The following PKD1 variants were observed in gnomAD, a reference collection of about 807,000 sequenced individuals.
PKD1 encodes the protein polycystin 1, transient receptor potential channel interacting, also known as polycystin-1.
PKD1 carries 81 observed loss-of-function variants against 361.7 expected under a neutral mutation model. The observed-to-expected ratio is 0.22, with a 90% CI of 0.19 to 0.27. PKD1 has a LOEUF of 0.27. Among genes scored for constraint, PKD1 ranks in the 10% least tolerant of loss-of-function variants. The probability of loss-of-function intolerance (pLI) is 1.00; values close to 1 mark genes in which losing one functional copy is unlikely to be tolerated. For synonymous variants in PKD1, 3,615 were observed against 2,818.3 expected, an observed-to-expected ratio of 1.28 and a Z score of -8.95; for missense variants, 6,399 against 6,118.3, an observed-to-expected ratio of 1.05 and a Z score of -1.53.
Position 2,110,213 on chromosome 16 carries a change from G to A in PKD1, c.4954C>T (p.Leu1652=), listed in dbSNP as rs895882636. The A allele has an allele frequency of 3.1e-6, 5 of 1,611,906 alleles. No homozygotes were observed. The highest frequency in any genetic ancestry group is 1.1e-5 in the South Asian group (1 of 91,034). ...GTGCCATCCCTAACCACGGCCTGCA[G>A]CTGTACCGTGTGGTTGGTGGGGAAG... ...RYFPTNHTVQ[L]QAVVRDGTNV... The change falls in exon 15 of 46, where the codon CTG becomes TTG. Residue 1652 remains leucine, a synonymous_variant. Coordinates refer to ENST00000262304, the MANE Select transcript of PKD1 (RefSeq NM_001009944.3).
intron 24 of PKD1, 44 bp from the exon 25 acceptor site, chr16:2,102,677 G>A (rs1195882797): frequency 2.5e-6 from 4 of 1,610,430 alleles, no homozygotes; most frequent in East Asian, 2.2e-5. Flanking sequence ...GGCTCCGCCA[G>A]GTTGGATGTC....
At chr16:2,119,416 C>G (rs3874659) in intron 1 of PKD1, 38 bp from the exon 2 acceptor site, 7 of 1,417,046 alleles carry the variant, frequency 4.9e-6, no homozygotes, top group Non-Finnish European at 6.7e-6. Context: ...GCCAGAGCCC[C>G]TAGTAGGCCA....
rs760338872 is a variant in PKD1 at position 2,090,570 on chromosome 16, G to C, written c.12159C>G (p.Asp4053Glu). The C allele has an allele frequency of 6.2e-7, 1 of 1,609,070 alleles. No homozygotes were observed. The highest frequency in any genetic ancestry group is 8.5e-7 in the Non-Finnish European group (1 of 1,179,674). ...GGGCCTGGGCCACGCTCCAGAGGGA[G>C]TCCACACAGGAAGACACGAGCTGCG... ...LAILLVSSCV[D>E]SLWSVAQALL... is the part of the protein sequence containing the mutation. The change falls in exon 45 of 46, where the codon GAC becomes GAG. Residue 4053 changes from aspartate to glutamate, a missense_variant. Physicochemically the swap from Asp to Glu is conservative, Grantham distance 45. Coordinates refer to ENST00000262304, the MANE Select transcript of PKD1 (RefSeq NM_001009944.3).
At chr16:2,126,091 G>A (rs529448513) in intron 1 of PKD1, among the ~76,000 whole-genome samples, 8 of 152,260 alleles carry the variant, frequency 5.3e-5, no homozygotes, top group South Asian at 2.1e-4. Context: ...CAGATCCAGC[G>A]GGGCAGCCGG....
Position 2,089,090 on chromosome 16 carries a change from G to GCAGA in PKD1, c.*633_*636dup, listed in dbSNP as rs577209727. ...GCCTCTGGGGTGATGAGAGTGCCTGGCAGACAGCTGTGCCCCCAGCACCGG... is the reference window on the plus strand; with the variant it reads ...GCCTCTGGGGTGATGAGAGTGCCTGGCAGACAGACAGCTGTGCCCCCAGCACCGG... On this transcript the variant is annotated 3_prime_UTR_variant, in exon 46 of 46. Transcript: ENST00000262304. The GCAGA allele has an allele frequency of 1.1e-4, 19 of 176,556 alleles. No homozygotes were observed. In the East Asian group the frequency reaches 2.8e-3, roughly 26 times the overall value. 10.9% of individuals were successfully genotyped at this position (176,556 alleles called of 1,614,324 possible).
At position 2,108,256 on chromosome 16, in the gene PKD1, G is replaced by A; in HGVS notation, c.6911C>T (p.Thr2304Ile). 6.3e-7 allele frequency: 1 copy of A among 1,598,944 alleles called. No individual in the cohort carries two copies. The highest frequency in any genetic ancestry group is 8.5e-7 in the Non-Finnish European group (1 of 1,171,252). ...ACGGCCCTGCCACGCACTGACCTGT[G>A]TCGAAGCCACACAGGCCCAGTGGAA... ...LSFHWACVAS[T>I]QREAGGCALN... Residue 2304 changes from threonine to isoleucine, a missense_variant, in exon 15 of 46, where the codon ACA (threonine) becomes ATA (isoleucine). Thr to Ile is a moderately conservative substitution (Grantham distance 89). Transcript: ENST00000262304.
In PKD1 at chr16:2,109,613, C is replaced by T. The variant is rs1596554904; in HGVS notation, c.5554G>A (p.Val1852Ile). 1.2e-6 allele frequency: 2 copies of T among 1,609,582 alleles called. No homozygotes were observed. The highest frequency in any genetic ancestry group is 2.7e-5 in the African/African-American group (2 of 74,890). Residue 1852 changes from valine to isoleucine, a missense_variant, in exon 15 of 46, where the codon GTC (valine) becomes ATC (isoleucine). Physicochemically the swap from Val to Ile is conservative, Grantham distance 29 (BLOSUM62 3). Coordinates refer to ENST00000262304, the MANE Select transcript of PKD1 (RefSeq NM_001009944.3). ...CCAGCATCCGGGAAGACCATGGTGA[C>T]ATGAGGGCCACGCTTGCTGCTGCCG... The part of the protein sequence containing the change: ...PGGSSKRGPH[V>I]TMVFPDAGTF...
At position 2,094,063 on chromosome 16, in the gene PKD1, A is replaced by G. The variant is rs777861524; in HGVS notation, c.10618+29T>C. On this transcript the variant is annotated intron_variant, in intron 35 of 45. Coordinates refer to ENST00000262304, the MANE Select transcript of PKD1 (RefSeq NM_001009944.3). ...GAGAGGCAGCTCACAGGGAGGGGCT[A>G]GGGGCATCCCGGGGCTACGCAAGCA... The G allele has an allele frequency of 5.0e-6, 8 of 1,585,592 alleles. No homozygotes were observed. In the East Asian group the frequency reaches 1.4e-4, roughly 27 times the overall value.
intron 1 of PKD1, among the ~76,000 whole-genome samples, chr16:2,121,701 TG>T (rs1300252448): frequency 6.6e-6 from 1 of 151,678 alleles, no homozygotes; most frequent in East Asian, 2.0e-4. Context: ...CCGCCCACCC[TG>T]GGCACCCCTC....
intron 1 of PKD1, among the ~76,000 whole-genome samples, chr16:2,129,925 G>C (rs2092848759): frequency 6.6e-6 from 1 of 152,066 alleles, no homozygotes; most frequent in Non-Finnish European, 1.5e-5. Context: ...GATACTGCAT[G>C]GATGACCTGC....
In PKD1 at chr16:2,091,587, C is replaced by A. The variant is rs201422134; in HGVS notation, c.11548G>T (p.Val3850Leu). The A allele has an allele frequency of 3.7e-5, 58 of 1,554,500 alleles. 1 individual carries two copies. The Admixed American group carries it at 6.4e-4, about 17-fold the overall frequency. Residue 3850 changes from valine to leucine, a missense_variant, in exon 42 of 46, where the codon GTG (valine) becomes TTG (leucine). Coordinates refer to ENST00000262304, the MANE Select transcript of PKD1 (RefSeq NM_001009944.3). The part of the protein sequence containing the change: ...HNWLDNRSRA[V>L]FLELTRYSPA... ...CTGTAGCGCGTGAGCTCCAGGAACA[C>A]AGCGCGGCTCCTGCGCAGAGGGTGC...
At chr16:2,130,841 T>C (rs1197642565) in intron 1 of PKD1, among the ~76,000 whole-genome samples, 9 of 152,298 alleles carry the variant, frequency 5.9e-5, no homozygotes, top group African/African-American at 1.9e-4. Flanking sequence ...ATATTTTACA[T>C]CAGTGAACCA....
At position 2,102,856 on chromosome 16, in the gene PKD1, T is replaced by C; in HGVS notation, c.8906A>G (p.Gln2969Arg). 1 of 1,608,852 alleles carries C rather than the reference T, an allele frequency of 6.2e-7. No homozygotes were observed. The highest frequency in any genetic ancestry group is 1.3e-5 in the African/African-American group (1 of 74,118). Residue 2969 changes from glutamine (Q) to arginine (R), a missense_variant, in exon 24 of 46, where the codon CAG (glutamine) becomes CGG (arginine). Gln to Arg is a conservative substitution (Grantham distance 43). Coordinates refer to ENST00000262304, the MANE Select transcript of PKD1 (RefSeq NM_001009944.3). ...GGTGTAGGGCCGGTGGTCAGCACCC[T>C]GGAGTGACTCTGGGCGGATCCTCCT... is the stretch of plus-strand genomic sequence containing the variant. ...ASRRIRPESL[Q>R]GADHRPYTFF...
chr16:2,121,147 C>G (rs1277053844), intron 1 of PKD1, among the ~76,000 whole-genome samples: 2 of 152,076 alleles, frequency 1.3e-5, no homozygotes, highest in African/African-American at 4.8e-5. Flanking sequence ...GGGCGCATCA[C>G]CTGAGGTCAG....
At chr16:2,119,451 C>T (rs2092688105) in intron 1 of PKD1, 73 bp from the exon 2 acceptor site, 3 of 880,512 alleles carry the variant, frequency 3.4e-6, no homozygotes, top group African/African-American at 1.7e-5. Flanking sequence ...GCCCATCCCA[C>T]ACATTGCCAG....
chr16:2,096,154 G>A (rs758160824), intron 34 of PKD1, among the ~76,000 whole-genome samples: 3 of 152,252 alleles, frequency 2.0e-5, no homozygotes, highest in Non-Finnish European at 2.9e-5. Context: ...TCTGAGAAAT[G>A]CGTCATTAGG....
chr16:2,117,988 G>A lies in PKD1; in HGVS notation c.1004C>T (p.Ala335Val), dbSNP rs1458099402. ...YVLPGRYHVT[A>V]VLALGAGSAL... ...TGAGCCGGCCCCCAGGGCCAGCACGGCCGTCACGTGATAGCGCCCAGGCAG... is the reference window on the plus strand; with the variant it reads ...TGAGCCGGCCCCCAGGGCCAGCACGACCGTCACGTGATAGCGCCCAGGCAG... Residue 335 changes from alanine to valine, a missense_variant, in exon 5 of 46, where the codon GCC (alanine) becomes GTC (valine). Transcript: ENST00000262304. 1.3e-6 allele frequency: 2 copies of A among 1,563,492 alleles called. No individual in the cohort carries two copies. Among genetic ancestry groups the A allele is most frequent in the Non-Finnish European group, 1.7e-6 (2 of 1,154,154 alleles).
chr16:2,129,703 C>T (rs2151847761), intron 1 of PKD1, among the ~76,000 whole-genome samples: 1 of 151,804 alleles, frequency 6.6e-6, no homozygotes, highest in African/African-American at 2.4e-5. Context: ...ATGCATACCA[C>T]CACGCCCGGC....
Position 2,100,329 on chromosome 16 carries a change from A to C in PKD1, c.9569-20T>G, listed in dbSNP as rs771700365. The C allele has an allele frequency of 1.9e-6, 3 of 1,609,940 alleles. No homozygotes were observed. Among genetic ancestry groups the C allele is most frequent in the East Asian group, 2.2e-5 (1 of 44,870 alleles). ...TGAGCCCTGCAGAGGCGCAGGAGGG[A>C]GGTCAGGCTCGCAGGGCGCCCCAAT... is the stretch of plus-strand genomic sequence containing the variant. On this transcript the variant is annotated intron_variant, in intron 27 of 45. Coordinates refer to ENST00000262304, the MANE Select transcript of PKD1 (RefSeq NM_001009944.3). This position sits in a 1 kb window ranked among gnomAD's most constrained non-coding sequence, Gnocchi z 4.4.
Sources: gnomAD v4.1 joint callset for allele counts (sites outside exome capture counted in the v4.1 genomes callset) on GRCh38, gnomAD v4.1.1 for gene constraint, Gnocchi (gnomAD v3.1) non-coding constraint, MANE v1.5 for transcripts, NCBI Gene and HGNC (gene_info 2026-07-23, HGNC 2026-07-21) for gene names.